The following TBL1X variants were observed in gnomAD, a reference collection of about 807,000 sequenced individuals.
The protein encoded by TBL1X is F-box-like/WD repeat-containing protein TBL1X.
A neutral mutation model predicts 50.7 loss-of-function variants in TBL1X; 10 were observed. The observed-to-expected ratio is 0.20, with a 90% CI of 0.12 to 0.33. The LOEUF (loss-of-function observed/expected upper bound fraction) is 0.33, where lower values mean the gene tolerates loss of function less well. Ranked by LOEUF, TBL1X falls within the 10% of genes least tolerant of loss-of-function variation. The pLI is 1.00. For synonymous variants in TBL1X, 190 were observed against 214.7 expected (o/e 0.88, Z 1.01); for missense variants, 340 against 504.4 (o/e 0.67, Z 3.12).
chrX:9,472,136 T>C (rs1358925412), intron 1 of TBL1X, among the ~76,000 whole-genome samples: 2 of 112,413 alleles, frequency 1.8e-5, no homozygotes, highest in African/African-American at 6.5e-5. Flanking sequence ...TGTTAGGATT[T>C]AGAGTCCATG....
intron 2 of TBL1X, among the ~76,000 whole-genome samples, chrX:9,571,770 G>A (rs952349604): frequency 7.2e-5 from 8 of 111,413 alleles, no homozygotes; most frequent in African/African-American, 2.6e-4. Flanking sequence ...GGCACCCACT[G>A]TTCTACTTTC....
intron 16 of TBL1X, among the ~76,000 whole-genome samples, chrX:9,712,907 T>C: frequency 9.3e-6 from 1 of 107,954 alleles, no homozygotes; most frequent in Non-Finnish European, 1.9e-5. Flanking sequence ...CTAGGAGCTG[T>C]TGAAAATAAG....
At chrX:9,593,448 G>A (rs1277480269) in intron 2 of TBL1X, among the ~76,000 whole-genome samples, 1 of 110,364 alleles carries the variant, frequency 9.1e-6, no homozygotes, top group Admixed American at 9.6e-5. Context: ...GATTGAAATA[G>A]CCTCTGTATT....
chrX:9,649,104 A>T (rs1254420824), intron 3 of TBL1X, among the ~76,000 whole-genome samples: 1 of 112,068 alleles, frequency 8.9e-6, no homozygotes, highest in East Asian at 2.8e-4. Flanking sequence ...TTTTGGTGTG[A>T]TGAAGCCCAC....
intron 12 of TBL1X, among the ~76,000 whole-genome samples, chrX:9,701,550 T>C (rs1601849676): frequency 2.1e-5 from 1 of 48,626 alleles, no homozygotes; most frequent in Non-Finnish European, 3.5e-5. Flanking sequence ...ACGCTAACAC[T>C]AACAATAGCT....
intron 2 of TBL1X, among the ~76,000 whole-genome samples, chrX:9,524,063 G>C (rs773679870): frequency 9.0e-5 from 9 of 99,508 alleles, no homozygotes; most frequent in African/African-American, 3.4e-4. Context: ...CACCTCCCAG[G>C]TTCAAGCAAT....
intron 2 of TBL1X, among the ~76,000 whole-genome samples, chrX:9,502,650 G>A (rs1238749874): frequency 8.9e-6 from 1 of 112,622 alleles, no homozygotes; most frequent in Non-Finnish European, 1.9e-5. Flanking sequence ...TTGCTTTGTG[G>A]ATGTAAACAC....
chrX:9,688,122 G>A lies in TBL1X; in HGVS notation c.463G>A (p.Ala155Thr), dbSNP rs779139555. The A allele has an allele frequency of 1.8e-5, 22 of 1,207,353 alleles. No individual in the cohort carries two copies. In the East Asian group the frequency reaches 3.6e-4, roughly 20 times the overall value. Residue 155 changes from alanine (A) to threonine (T), a missense_variant, in exon 7 of 18, where the codon GCT becomes ACT. Physicochemically the swap from Ala to Thr is moderately conservative, Grantham distance 58. This residue lies in a region of TBL1X where 99 missense variants were observed against 93.3 expected (regional missense o/e 1.06). Transcript: ENST00000645353. ...GCAGCAGGCATTCCGAGAGAAGCTC[G>A]CTCAGCAGCAAGCCAGTGCGGCGGC... ...TRQQAFREKLAQQQASAAAAA... is the reference protein window; with the variant it reads ...TRQQAFREKLTQQQASAAAAA...
At chrX:9,572,761 C>T (rs188904902) in intron 2 of TBL1X, among the ~76,000 whole-genome samples, 127 of 112,633 alleles carry the variant, frequency 1.1e-3, no homozygotes, top group African/African-American at 3.7e-3. Flanking sequence ...TGGATCTACT[C>T]ATTTATTCAG....
At chrX:9,581,469 G>C (rs1238699026) in intron 2 of TBL1X, among the ~76,000 whole-genome samples, 1 of 111,491 alleles carries the variant, frequency 9.0e-6, no homozygotes, top group African/African-American at 3.3e-5. Flanking sequence ...CCAGTGGGGG[G>C]ATTGGGCACC....
intron 16 of TBL1X, among the ~76,000 whole-genome samples, chrX:9,713,611 A>G (rs2083261853): frequency 9.2e-6 from 1 of 108,659 alleles, no homozygotes; most frequent in African/African-American, 3.4e-5. Context: ...TATTTTTAGT[A>G]CAAACGGGGT....
intron 5 of TBL1X, among the ~76,000 whole-genome samples, chrX:9,683,467 A>G (rs770375467): frequency 3.8e-4 from 42 of 111,990 alleles, no homozygotes; most frequent in African/African-American, 1.3e-3. Flanking sequence ...TGTTTTGAGA[A>G]AATGACTCAG....
At chrX:9,533,899 C>T (rs946934346) in intron 2 of TBL1X, among the ~76,000 whole-genome samples, 8 of 111,394 alleles carry the variant, frequency 7.2e-5, no homozygotes, top group African/African-American at 2.6e-4. Flanking sequence ...GGGATGCTTG[C>T]ACCCTGGAGA....
chrX:9,668,386 A>C (rs372464044), intron 5 of TBL1X, among the ~76,000 whole-genome samples: 1 of 108,260 alleles, frequency 9.2e-6, no homozygotes, highest in East Asian at 2.8e-4. Flanking sequence ...AAAAAAAAAA[A>C]AACTTTTGGG....
rs1046939412 is a variant in TBL1X at position 9,709,330 on chromosome X, C to G, written c.1311+8C>G. ...GATGACATGACATTGAAGGTAGAGT[C>G]GGCATGGCAAGGGGTGGGCTGTTTA... On this transcript the variant is annotated splice_region_variant and intron_variant, in intron 14 of 17. Coordinates refer to ENST00000645353, the MANE Select transcript of TBL1X (RefSeq NM_005647.4). The G allele has an allele frequency of 5.0e-6, 6 of 1,210,697 alleles. No individual in the cohort carries two copies. The highest frequency in any genetic ancestry group is 6.7e-6 in the Non-Finnish European group (6 of 894,652).
intron 5 of TBL1X, among the ~76,000 whole-genome samples, chrX:9,660,353 C>T (rs1601822650): frequency 8.9e-6 from 1 of 112,415 alleles, no homozygotes; most frequent in Non-Finnish European, 1.9e-5. Context: ...ATTTCACTAA[C>T]GTTGTGTCCG....
At chrX:9,711,531 T>G in intron 15 of TBL1X, 80 bp from the exon 16 acceptor site, 3 of 942,047 alleles carry the variant, frequency 3.2e-6, no homozygotes, top group Non-Finnish European at 2.8e-6. Flanking sequence ...AAACAACTCC[T>G]GGAGATCTGA....
intron 2 of TBL1X, among the ~76,000 whole-genome samples, chrX:9,540,717 C>G (rs1201398273): frequency 8.9e-6 from 1 of 111,875 alleles, no homozygotes; most frequent in South Asian, 3.7e-4. Context: ...GTGGTTAGGT[C>G]AGTATTATAT....
At chrX:9,672,512 A>G (rs1459098537) in intron 5 of TBL1X, among the ~76,000 whole-genome samples, 1 of 111,078 alleles carries the variant, frequency 9.0e-6, no homozygotes, top group Non-Finnish European at 1.9e-5. Flanking sequence ...TCACTTCTCA[A>G]CTACTACTGT....
Sources: gnomAD v4.1 joint callset for allele counts (sites outside exome capture counted in the v4.1 genomes callset) on GRCh38, gnomAD v4.1.1 for gene constraint, gnomAD v4.1.1 regional missense constraint, MANE v1.5 for transcripts, NCBI Gene and HGNC (gene_info 2026-07-23, HGNC 2026-07-21) for gene names.